ANK3: variants seen among roughly 807,000 people sequenced by gnomAD.
ANK3 encodes the protein ankyrin 3.
ANK3 carries 57 observed loss-of-function variants against 370.9 expected under a neutral mutation model. The ratio of observed to expected loss-of-function variants is 0.15; its 90% CI spans 0.12 to 0.19. The LOEUF (loss-of-function observed/expected upper bound fraction) is 0.19. ANK3 is among the 10% of genes least tolerant of loss of function. ANK3 has a pLI of 1.00. For missense variants in ANK3, 4,439 were observed against 5,302.1 expected, an observed-to-expected ratio of 0.84 and a Z score of 5.06; for synonymous variants, 1,929 against 1,946.3, an observed-to-expected ratio of 0.99 and a Z score of 0.23.
intron 2 of ANK3, among the ~76,000 whole-genome samples, chr10:60,420,572 C>A (rs1409275762): frequency 6.6e-6 from 1 of 151,824 alleles, no homozygotes; most frequent in Non-Finnish European, 1.5e-5. Context: ...GTAAGTGTCC[C>A]ACTTAGTGGG....
intron 8 of ANK3, among the ~76,000 whole-genome samples, chr10:60,214,051 C>A (rs1258855577): frequency 6.6e-6 from 1 of 152,038 alleles, no homozygotes; most frequent in African/African-American, 2.4e-5. Flanking sequence ...AAACAAATCA[C>A]CTGACTGGAT....
intron 2 of ANK3, among the ~76,000 whole-genome samples, chr10:60,583,539 T>G (rs12254143): frequency 1.4e-5 from 2 of 139,392 alleles, no homozygotes. Flanking sequence ...TTTTTTGAGG[T>G]GGAATCTCGT....
chr10:60,179,139 A>G (rs970908807), intron 18 of ANK3, among the ~76,000 whole-genome samples: 3 of 152,200 alleles, frequency 2.0e-5, no homozygotes, highest in African/African-American at 7.2e-5. Context: ...GAATGTGAAC[A>G]TTCCTGGGAT....
intron 7 of ANK3, among the ~76,000 whole-genome samples, chr10:60,240,215 CAT>C (rs374957165): frequency 0.011 from 1,539 of 136,240 alleles, 31 homozygotes; most frequent in East Asian, 0.039. Flanking sequence ...TATATATACA[CAT>C]ATATATATAC....
chr10:60,300,542 A>G, intron 1 of ANK3: 1 of 1,208,166 alleles, frequency 8.3e-7, no homozygotes, highest in Non-Finnish European at 1.0e-6. Flanking sequence ...ACAAGAGTAC[A>G]GAATCCGCCT....
intron 2 of ANK3, among the ~76,000 whole-genome samples, chr10:60,465,297 A>G (rs1474097590): frequency 6.6e-6 from 1 of 151,940 alleles, no homozygotes; most frequent in Non-Finnish European, 1.5e-5. Context: ...AAAATAAAAG[A>G]GAGAGAAGTT....
At chr10:60,212,295 T>C (rs1475207249) in intron 9 of ANK3, among the ~76,000 whole-genome samples, 1 of 151,998 alleles carries the variant, frequency 6.6e-6, no homozygotes, top group African/African-American at 2.4e-5. Context: ...GGATGACAGT[T>C]TATATGGCCA....
Position 60,028,999 on chromosome 10 carries a change from C to T in ANK3, c.*847G>A, listed in dbSNP as rs1392159180. The T allele has an allele frequency of 6.6e-6, 1 of 152,192 alleles. No individual in the cohort carries two copies. The highest frequency in any genetic ancestry group is 6.6e-5 in the Admixed American group (1 of 15,256). 9.4% of individuals were successfully genotyped at this position (152,192 alleles called of 1,614,324 possible). A position where few individuals can be genotyped will look rare whatever the true frequency, so the allele number is the denominator to read the frequency against. On this transcript the variant is annotated 3_prime_UTR_variant, in exon 44 of 44. Transcript: ENST00000280772. ...TTTGCAAAATTGGAAAAGATTTAAT[C>T]AAAATAAGGTGATACACATGCATCA...
chr10:60,067,440 A>G (rs1315368878), intron 38 of ANK3, among the ~76,000 whole-genome samples: 1 of 152,144 alleles, frequency 6.6e-6, no homozygotes, highest in Non-Finnish European at 1.5e-5. Flanking sequence ...ATAAACATAG[A>G]GTTTTATGTG....
chr10:60,616,844 T>G (rs2078274452), intron 1 of ANK3, among the ~76,000 whole-genome samples: 1 of 152,180 alleles, frequency 6.6e-6, no homozygotes, highest in Non-Finnish European at 1.5e-5. Context: ...TCTCTAAACA[T>G]TCACAAATAT....
intron 2 of ANK3, among the ~76,000 whole-genome samples, chr10:60,533,974 C>A (rs1441586355): frequency 6.6e-6 from 1 of 152,020 alleles, no homozygotes; most frequent in East Asian, 1.9e-4. Flanking sequence ...CAGTTGGTTT[C>A]TTTCCTCTGC....
At chr10:60,728,686 T>C (rs2079977535) in intron 1 of ANK3, among the ~76,000 whole-genome samples, 1 of 152,218 alleles carries the variant, frequency 6.6e-6, no homozygotes, top group African/African-American at 2.4e-5. Context: ...GATACATTTC[T>C]GAGGTTACAG....
intron 17 of ANK3, among the ~76,000 whole-genome samples, chr10:60,183,453 G>C (rs1270813333): frequency 6.6e-6 from 1 of 151,938 alleles, no homozygotes; most frequent in Non-Finnish European, 1.5e-5. Flanking sequence ...TTATATTCTT[G>C]GTTATAATTC....
At chr10:60,043,535 A>G in intron 42 of ANK3, 1 of 985,444 alleles carries the variant, frequency 1.0e-6, no homozygotes, top group Non-Finnish European at 1.2e-6. Flanking sequence ...CACATTGGAA[A>G]TGGGCTGTTA....
intron 2 of ANK3, among the ~76,000 whole-genome samples, chr10:60,598,025 A>G (rs901082104): frequency 1.3e-5 from 2 of 152,228 alleles, no homozygotes; most frequent in Non-Finnish European, 2.9e-5. Context: ...AGTTAATTAT[A>G]TTCCTAAAAA....
intron 1 of ANK3, among the ~76,000 whole-genome samples, chr10:60,654,290 A>G (rs1281860454): frequency 6.6e-6 from 1 of 152,130 alleles, no homozygotes; most frequent in Non-Finnish European, 1.5e-5. Context: ...TCCAATTTGT[A>G]CATATTTTAT....
intron 2 of ANK3, among the ~76,000 whole-genome samples, chr10:60,597,350 G>A (rs1379503316): frequency 6.6e-6 from 1 of 152,164 alleles, no homozygotes; most frequent in East Asian, 1.9e-4. Flanking sequence ...CATGAATGTA[G>A]CTTATGGGAT....
intron 2 of ANK3, among the ~76,000 whole-genome samples, chr10:60,554,115 T>A (rs1466730319): frequency 2.6e-5 from 4 of 152,174 alleles, no homozygotes; most frequent in African/African-American, 7.2e-5. Flanking sequence ...GCCACCAGGG[T>A]TCAAAATAAG....
rs1156619197 is a variant in ANK3, at chr10:60,733,368, C to G, written c.-49G>C. The G allele has an allele frequency of 3.3e-6, 4 of 1,225,378 alleles. No homozygotes were observed. In the South Asian group the frequency reaches 1.7e-4, roughly 51 times the overall value. The allele number at this position is 1,225,378 out of a possible 1,614,324, so 75.9% of individuals were successfully genotyped here. A position where few individuals can be genotyped will look rare whatever the true frequency, so the allele number is the denominator to read the frequency against. On this transcript the variant is annotated 5_prime_UTR_variant, in exon 1 of 44. Transcript: ENST00000373827. Reference sequence around the variant, plus strand: ...CCTTCCAGGAACTCCAGTCTCTCCTCCCCGTCCCGCTCCTCGGGCCTCCAA... The same window carrying G: ...CCTTCCAGGAACTCCAGTCTCTCCTGCCCGTCCCGCTCCTCGGGCCTCCAA...
Sources: allele counts gnomAD v4.1 joint callset (sites outside exome capture counted in the v4.1 genomes callset), GRCh38; gene constraint gnomAD v4.1.1; transcripts MANE v1.5; gene names NCBI Gene and HGNC (gene_info 2026-07-23, HGNC 2026-07-21).